Variants in PLEKHH2 observed in about 807,000 individuals in gnomAD.
PLEKHH2 encodes the protein pleckstrin homology, MyTH4 and FERM domain containing H2.
PLEKHH2 carries 129 observed loss-of-function variants against 187.9 expected under a neutral mutation model. The ratio of observed to expected loss-of-function variants is 0.69; its 90% CI spans 0.59 to 0.79. The LOEUF (loss-of-function observed/expected upper bound fraction) is 0.79, where lower values mean the gene tolerates loss of function less well. PLEKHH2 is among the 30% of genes least tolerant of loss of function. PLEKHH2 has a pLI of 0.00. For synonymous variants in PLEKHH2, 686 were observed against 605.6 expected, an observed-to-expected ratio of 1.13 and a Z score of -1.95; for missense variants, 2,076 against 1,751.2, an observed-to-expected ratio of 1.19 and a Z score of -3.31.
chr2:43,711,341 T>C (rs891882481), intron 14 of PLEKHH2: 1 of 985,312 alleles, frequency 1.0e-6, no homozygotes, highest in Non-Finnish European at 1.2e-6. Flanking sequence ...AGCTTTGTCT[T>C]TGGGCATGGC....
At chr2:43,650,460 A>G (rs1206797290) in intron 2 of PLEKHH2, among the ~76,000 whole-genome samples, 1 of 151,824 alleles carries the variant, frequency 6.6e-6, no homozygotes, top group Non-Finnish European at 1.5e-5. Flanking sequence ...CTGACTTAAT[A>G]TAGATTGGCT....
rs554117008 is a variant in PLEKHH2 at position 43,697,161 on chromosome 2, G to A, written c.503-10G>A. On this transcript the variant is annotated splice_polypyrimidine_tract_variant and intron_variant, in intron 6 of 29. Transcript: ENST00000282406. Reference sequence around the variant, plus strand: ...AATTCAAATCTTAATTTTGATTAACGATGTTGTAGAAGTTCAAGGAAAGAA... The same window carrying A: ...AATTCAAATCTTAATTTTGATTAACAATGTTGTAGAAGTTCAAGGAAAGAA... 7 of 1,535,324 alleles carry A rather than the reference G, an allele frequency of 4.6e-6. No homozygotes were observed. Among genetic ancestry groups the A allele is most frequent in the African/African-American group, 2.8e-5 (2 of 71,586 alleles).
At position 43,700,408 on chromosome 2, in the gene PLEKHH2, C is replaced by G. The variant is rs747600991; in HGVS notation, c.1450C>G (p.Pro484Ala). Residue 484 changes from proline to alanine, a missense_variant, in exon 8 of 30, where the codon CCT (proline) becomes GCT (alanine). By Grantham distance (27) the Pro-to-Ala change is conservative. Coordinates refer to ENST00000282406, the MANE Select transcript of PLEKHH2 (RefSeq NM_172069.4). ...TATAAGCATGATACGACCACTGAGACCTCAGGAAACTGATCTTGATCTAGT... is the reference window on the plus strand; with the variant it reads ...TATAAGCATGATACGACCACTGAGAGCTCAGGAAACTGATCTTGATCTAGT... ...NAISMIRPLR[P>A]QETDLDLVDG... 6.2e-7 allele frequency: 1 copy of G among 1,614,018 alleles called. No homozygotes were observed. The highest frequency in any genetic ancestry group is 8.5e-7 in the Non-Finnish European group (1 of 1,180,016).
At chr2:43,747,408 A>C (rs1671828256) in intron 24 of PLEKHH2, among the ~76,000 whole-genome samples, 1 of 152,126 alleles carries the variant, frequency 6.6e-6, no homozygotes, top group Non-Finnish European at 1.5e-5. Context: ...GTTTATACCA[A>C]GTTCAGAGGG....
chr2:43,708,385 G>T (rs1669776596), intron 11 of PLEKHH2, among the ~76,000 whole-genome samples: 1 of 152,116 alleles, frequency 6.6e-6, no homozygotes, highest in South Asian at 2.1e-4. Flanking sequence ...GACATGCCAG[G>T]CATGCTTGCA....
At chr2:43,667,892 G>GT (rs1667290476) in intron 2 of PLEKHH2, among the ~76,000 whole-genome samples, 1 of 151,722 alleles carries the variant, frequency 6.6e-6, no homozygotes, top group Non-Finnish European at 1.5e-5. Flanking sequence ...TGTGAATATA[G>GT]TAAAAAAAAA....
rs539933349 is a variant in PLEKHH2, at chr2:43,765,341, C to T, written c.4297-72C>T. On this transcript the variant is annotated intron_variant, in intron 29 of 29. Transcript: ENST00000282406. ...CTTGCAAATGGAGCTCACCTGTGGC[C>T]AACACTTTACTCTCTTCTGGAAGTG... 24 of 1,475,896 alleles carry T rather than the reference C, an allele frequency of 1.6e-5. No homozygotes were observed. The East Asian group carries it at 4.8e-4, about 29-fold the overall frequency. The allele number at this position is 1,475,896 out of a possible 1,614,324, so 91.4% of individuals were successfully genotyped here.
chr2:43,734,755 C>T (rs1454854615), intron 19 of PLEKHH2, among the ~76,000 whole-genome samples: 5 of 152,184 alleles, frequency 3.3e-5, no homozygotes, highest in Admixed American at 6.5e-5. Flanking sequence ...GGGAGTATAT[C>T]CAAATGAAAG....
intron 3 of PLEKHH2, among the ~76,000 whole-genome samples, chr2:43,679,248 G>A (rs563262241): frequency 3.4e-4 from 52 of 152,210 alleles, no homozygotes; most frequent in African/African-American, 1.1e-3. Context: ...GTTATAAAGA[G>A]TTGGAAATAA....
chr2:43,643,377 T>C (rs1444243006), intron 1 of PLEKHH2, among the ~76,000 whole-genome samples: 2 of 152,156 alleles, frequency 1.3e-5, no homozygotes, highest in Non-Finnish European at 2.9e-5. Flanking sequence ...ATAAATGTTG[T>C]AGTCTTTTAA....
At chr2:43,755,312 TG>T (rs886852528) in intron 25 of PLEKHH2, among the ~76,000 whole-genome samples, 2 of 152,200 alleles carry the variant, frequency 1.3e-5, no homozygotes, top group Non-Finnish European at 2.9e-5. Flanking sequence ...TCCCTCACTT[TG>T]GCCCTTTTCC....
chr2:43,681,611 C>G (rs868524261), intron 3 of PLEKHH2: 1 of 720,568 alleles, frequency 1.4e-6, no homozygotes, highest in South Asian at 1.6e-5. Flanking sequence ...GAGCTGTACA[C>G]GATATGACAC....
chr2:43,667,610 A>G (rs758535316), intron 2 of PLEKHH2, among the ~76,000 whole-genome samples: 1 of 152,242 alleles, frequency 6.6e-6, no homozygotes, highest in Non-Finnish European at 1.5e-5. Context: ...CAGGCATAAA[A>G]AGAAATGAAG....
intron 3 of PLEKHH2, chr2:43,681,232 G>A (rs148581981): frequency 1.4e-5 from 9 of 654,614 alleles, no homozygotes; most frequent in African/African-American, 5.4e-5. Context: ...TTATTAAAGC[G>A]ATCTTTTTTC....
intron 20 of PLEKHH2, chr2:43,740,732 A>T: frequency 1.3e-6 from 1 of 766,912 alleles, no homozygotes; most frequent in Non-Finnish European, 1.7e-6. Flanking sequence ...AGTTGTAGAT[A>T]ACCATACACA....
intron 2 of PLEKHH2, among the ~76,000 whole-genome samples, chr2:43,646,905 C>T (rs1666210153): frequency 6.6e-6 from 1 of 150,526 alleles, no homozygotes; most frequent in Non-Finnish European, 1.5e-5. Context: ...ATGTGTTTTA[C>T]ACATTGGAAA....
intron 6 of PLEKHH2, among the ~76,000 whole-genome samples, chr2:43,696,787 A>G (rs1669112727): frequency 1.3e-5 from 2 of 152,158 alleles, no homozygotes; most frequent in African/African-American, 4.8e-5. Flanking sequence ...TTTTCTTCAC[A>G]GTGGCATACT....
rs1010348045 is a variant in PLEKHH2 at position 43,732,590 on chromosome 2, G to A, written c.2943+988G>A. Among the ~76,000 whole-genome samples the A allele has an allele frequency of 4.6e-5, 7 of 152,078 alleles. No homozygotes were observed. The South Asian group carries it at 6.2e-4, about 14-fold the overall frequency. On this transcript the variant is annotated intron_variant, in intron 19 of 29. Coordinates refer to ENST00000282406, the MANE Select transcript of PLEKHH2 (RefSeq NM_172069.4). ...ACGTCACATCTAAAAGCTTCAATTCGAACATCTCTTTCTTTAACCAGAATC... is the reference window on the plus strand; with the variant it reads ...ACGTCACATCTAAAAGCTTCAATTCAAACATCTCTTTCTTTAACCAGAATC...
chr2:43,732,118 C>T (rs1671068218), intron 19 of PLEKHH2, among the ~76,000 whole-genome samples: 1 of 152,136 alleles, frequency 6.6e-6, no homozygotes, highest in Non-Finnish European at 1.5e-5. Flanking sequence ...AATCCCAGCA[C>T]TTTGGGAGGC....
Sources: allele counts gnomAD v4.1 joint callset (sites outside exome capture counted in the v4.1 genomes callset), GRCh38; gene constraint gnomAD v4.1.1; transcripts MANE v1.5; gene names NCBI Gene and HGNC (gene_info 2026-07-23, HGNC 2026-07-21).